Variants in ELMOD1 observed in about 807,000 individuals in gnomAD.
ELMOD1 encodes ELMO domain containing 1.
A neutral mutation model predicts 46.7 loss-of-function variants in ELMOD1; 21 were observed. That is an observed-to-expected ratio of 0.45 (90% CI 0.32 to 0.65). The LOEUF (loss-of-function observed/expected upper bound fraction) is 0.65, where lower values mean the gene tolerates loss of function less well. Among genes scored for constraint, ELMOD1 ranks in the 30% least tolerant of loss-of-function variants. The pLI is 0.04. For missense variants in ELMOD1, 348 were observed against 407.8 expected (o/e 0.85, Z 1.26); for synonymous variants, 122 against 138.2 (o/e 0.88, Z 0.82).
chr11:107,592,261 T>C, intron 1 of ELMOD1: 1 of 479,684 alleles, frequency 2.1e-6, no homozygotes, highest in Admixed American at 2.2e-5. Context: ...GTTGTCAGCC[T>C]TTCTGCTCTG....
intron 1 of ELMOD1, among the ~76,000 whole-genome samples, chr11:107,607,545 C>G (rs1023483631): frequency 1.3e-5 from 2 of 152,152 alleles, no homozygotes; most frequent in African/African-American, 4.8e-5. Context: ...GTAGTCCCAG[C>G]TACTTGGGAA....
chr11:107,664,641 G>T (rs151085288), intron 11 of ELMOD1, among the ~76,000 whole-genome samples: 2 of 152,254 alleles, frequency 1.3e-5, no homozygotes, highest in East Asian at 1.9e-4. Context: ...AATAAAGTCC[G>T]AGTGGAGTGA....
chr11:107,598,922 T>C (rs534046216), intron 1 of ELMOD1, among the ~76,000 whole-genome samples: 1 of 152,324 alleles, frequency 6.6e-6, no homozygotes, highest in East Asian at 1.9e-4. Flanking sequence ...TTTCTTGCAG[T>C]GATAAACAGG....
chr11:107,638,640 G>A (rs1396764639), intron 6 of ELMOD1, among the ~76,000 whole-genome samples: 5 of 152,276 alleles, frequency 3.3e-5, no homozygotes, highest in Middle Eastern at 6.8e-3. Flanking sequence ...CTACTTCACA[G>A]AACTGTTTAG....
intron 11 of ELMOD1, among the ~76,000 whole-genome samples, chr11:107,658,320 A>G (rs1199225945): frequency 6.6e-6 from 1 of 152,322 alleles, no homozygotes; most frequent in East Asian, 1.9e-4. Context: ...TAACTTAGAT[A>G]AAAATGAAAA....
At chr11:107,637,744 C>A (rs1395639024) in intron 6 of ELMOD1, among the ~76,000 whole-genome samples, 2 of 151,936 alleles carry the variant, frequency 1.3e-5, no homozygotes, top group Non-Finnish European at 2.9e-5. Flanking sequence ...CCATACAGCA[C>A]CCTAAGGTAT....
At chr11:107,643,725 T>G (rs1239696659) in intron 6 of ELMOD1, 2 of 503,904 alleles carry the variant, frequency 4.0e-6, no homozygotes, top group Non-Finnish European at 8.1e-6. Flanking sequence ...TCAAGATTTT[T>G]GTCAGTATTG....
intron 8 of ELMOD1, 60 bp from the exon 9 acceptor site, chr11:107,650,825 G>T: frequency 9.8e-7 from 1 of 1,024,570 alleles, no homozygotes; most frequent in South Asian, 1.7e-5. Context: ...TAAAATTCTA[G>T]ATTCTAAATT....
At chr11:107,641,461 T>C (rs1314315816) in intron 6 of ELMOD1, among the ~76,000 whole-genome samples, 2 of 152,152 alleles carry the variant, frequency 1.3e-5, no homozygotes, top group Non-Finnish European at 2.9e-5. Flanking sequence ...TAATTGCTAA[T>C]ATGAGGTATA....
At chr11:107,603,883 A>C (rs1241096844) in intron 1 of ELMOD1, among the ~76,000 whole-genome samples, 4 of 152,164 alleles carry the variant, frequency 2.6e-5, no homozygotes, top group Admixed American at 2.6e-4. Context: ...GTCTAAAAAA[A>C]AAAAAAGGAA....
chr11:107,665,519 C>G lies in ELMOD1; in HGVS notation c.*322C>G. ...TTCAGCATTAAAGAATTGTATTTCT[C>G]TAGCTGTATTTTGTATGTAAGAGGT... On this transcript the variant is annotated 3_prime_UTR_variant, in exon 12 of 12. Coordinates refer to ENST00000265840, the MANE Select transcript of ELMOD1 (RefSeq NM_018712.4). 4.4e-6 allele frequency: 1 copy of G among 226,334 alleles called. No homozygotes were observed. Among genetic ancestry groups the G allele is most frequent in the Non-Finnish European group, 8.7e-6 (1 of 115,392 alleles). The allele number at this position is 226,334 out of a possible 1,614,324, so 14.0% of individuals were successfully genotyped here.
chr11:107,599,585 T>C (rs11212294), intron 1 of ELMOD1, among the ~76,000 whole-genome samples: 59,234 of 151,140 alleles, frequency 0.39, 12,709 homozygotes, highest in East Asian at 0.72. Context: ...CTACTACAAA[T>C]ACAAAAATTA....
Position 107,643,587 on chromosome 11 carries a change from C to T in ELMOD1, c.421-3881C>T, listed in dbSNP as rs553406410. 121 of 524,344 alleles carry T rather than the reference C, an allele frequency of 2.3e-4. 2 individuals are homozygous for T. Among genetic ancestry groups the T allele is most frequent in the South Asian group, 1.3e-3 (88 of 70,176 alleles). The allele number at this position is 524,344 out of a possible 1,614,324, so 32.5% of individuals were successfully genotyped here. On this transcript the variant is annotated intron_variant, in intron 6 of 11. Coordinates refer to ENST00000265840, the MANE Select transcript of ELMOD1 (RefSeq NM_018712.4). ...CAAAGAAAACTCCATTGTTCAGTTGCTGTCATTTGAGTACAAGTATCTGGA... is the reference window on the plus strand; with the variant it reads ...CAAAGAAAACTCCATTGTTCAGTTGTTGTCATTTGAGTACAAGTATCTGGA...
At chr11:107,645,471 G>A (rs1422462961) in intron 6 of ELMOD1, among the ~76,000 whole-genome samples, 2 of 151,972 alleles carry the variant, frequency 1.3e-5, no homozygotes, top group Admixed American at 6.5e-5. Context: ...TTATAGGCGC[G>A]GGCCACCACG....
rs1050219406 is a variant in ELMOD1, at chr11:107,665,299, G to A, written c.*102G>A. Reference sequence around the variant, plus strand: ...CACGCATTGAATGCACACAGTGATTGTATGCATGCCTTTTGGTACAGTGTT... The same window carrying A: ...CACGCATTGAATGCACACAGTGATTATATGCATGCCTTTTGGTACAGTGTT... On this transcript the variant is annotated 3_prime_UTR_variant, in exon 12 of 12. Transcript: ENST00000265840. 24 of 1,170,036 alleles carry A rather than the reference G, an allele frequency of 2.1e-5. No individual in the cohort carries two copies. Among genetic ancestry groups the A allele is most frequent in the Non-Finnish European group, 2.7e-5 (22 of 816,900 alleles). The allele number at this position is 1,170,036 out of a possible 1,614,324, so 72.5% of individuals were successfully genotyped here.
chr11:107,655,717 C>T (rs886892630), intron 10 of ELMOD1, among the ~76,000 whole-genome samples: 12 of 151,860 alleles, frequency 7.9e-5, no homozygotes, highest in African/African-American at 2.4e-4. Flanking sequence ...ATTTGCTGAA[C>T]AAGGGGTAGA....
chr11:107,636,066 G>A (rs1038154235), intron 6 of ELMOD1, among the ~76,000 whole-genome samples: 3 of 152,214 alleles, frequency 2.0e-5, no homozygotes, highest in Non-Finnish European at 4.4e-5. Context: ...TTTAACAAGT[G>A]TTGAAAGCCA....
At chr11:107,656,127 C>A in intron 11 of ELMOD1, 61 bp downstream of exon 11, 1 of 1,522,844 alleles carries the variant, frequency 6.6e-7, no homozygotes, top group Non-Finnish European at 8.8e-7. Flanking sequence ...GTGGCTCACC[C>A]CTGTAATCCC....
At chr11:107,630,752 GC>G (rs755107181) in intron 4 of ELMOD1, 24 bp downstream of exon 4, 1 of 1,583,628 alleles carries the variant, frequency 6.3e-7, no homozygotes, top group East Asian at 2.3e-5. Context: ...TTTTTCAGCA[GC>G]TTTTTTTTCA....
Sources: gnomAD v4.1 joint callset for allele counts (sites outside exome capture counted in the v4.1 genomes callset) on GRCh38, gnomAD v4.1.1 for gene constraint, MANE v1.5 for transcripts, NCBI Gene and HGNC (gene_info 2026-07-23, HGNC 2026-07-21) for gene names.